DNAH12: variants seen among roughly 807,000 people sequenced by gnomAD.
The protein encoded by DNAH12 is axonemal beta dynein heavy chain 12.
DNAH12 carries 285 observed loss-of-function variants against 371.5 expected under a neutral mutation model. The ratio of observed to expected loss-of-function variants is 0.77; its 90% CI spans 0.70 to 0.85. DNAH12 has a LOEUF of 0.85. Ranked by LOEUF, DNAH12 falls within the 40% of genes least tolerant of loss-of-function variation. The pLI, the probability that DNAH12 is intolerant of heterozygous loss-of-function variation, is 0.00. For missense variants in DNAH12, 3,611 were observed against 3,689.4 expected (o/e 0.98, Z 0.55); for synonymous variants, 1,200 against 1,213.0 (o/e 0.99, Z 0.22).
chr3:57,457,653 GT>G, intron 22 of DNAH12, 67 bp downstream of exon 22: 1 of 1,434,348 alleles, frequency 7.0e-7, no homozygotes, highest in Non-Finnish European at 9.2e-7. Context: ...TAATTTACTG[GT>G]TTCCAAAACC....
At position 57,471,456 on chromosome 3, in the gene DNAH12, C is replaced by T; in HGVS notation, c.1911+16G>A. ...TATGGGCTGGCCATAGCTATTGTCT[C>T]ATATATTTATCAGACCTGTTGCATG... On this transcript the variant is annotated intron_variant, in intron 15 of 73. Transcript: ENST00000495027. 3 of 1,530,790 alleles carry T rather than the reference C, an allele frequency of 2.0e-6. No homozygotes were observed. Among genetic ancestry groups the T allele is most frequent in the Non-Finnish European group, 2.6e-6 (3 of 1,142,002 alleles). The allele number at this position is 1,530,790 out of a possible 1,614,324, so 94.8% of individuals were successfully genotyped here. A position where few individuals can be genotyped will look rare whatever the true frequency, so the allele number is the denominator to read the frequency against.
At chr3:57,411,185 A>G (rs1553682891) in intron 39 of DNAH12, among the ~76,000 whole-genome samples, 1 of 152,180 alleles carries the variant, frequency 6.6e-6, no homozygotes, top group African/African-American at 2.4e-5. Context: ...GTAAAATTCA[A>G]TCACCTTTTT....
In DNAH12 at chr3:57,330,464, C is replaced by CA. The variant is rs1379220896; in HGVS notation, c.9978+4000dup. Among the ~76,000 whole-genome samples the CA allele has an allele frequency of 2.7e-5, 4 of 149,760 alleles. No homozygotes were observed. The East Asian group carries it at 5.9e-4, about 22-fold the overall frequency. On this transcript the variant is annotated intron_variant, in intron 62 of 73. Coordinates refer to ENST00000495027, the MANE Select transcript of DNAH12 (RefSeq NM_001366028.2). ...CATTCTCAGCAAACAATTGCAAGGA[C>CA]AAAAAACCAAACACTGCATATTCTC...
At chr3:57,541,895 T>C (rs2069301119) in intron 2 of DNAH12, among the ~76,000 whole-genome samples, 1 of 152,220 alleles carries the variant, frequency 6.6e-6, no homozygotes, top group African/African-American at 2.4e-5. Flanking sequence ...AAAAAGGTTT[T>C]TAAATAAGGC....
At chr3:57,384,484 G>A (rs1424953094) in intron 49 of DNAH12, among the ~76,000 whole-genome samples, 1 of 151,738 alleles carries the variant, frequency 6.6e-6, no homozygotes, top group African/African-American at 2.4e-5. Flanking sequence ...AAAAAAAAAT[G>A]TTTAAAAAGA....
chr3:57,345,765 C>T (rs1430271462), intron 60 of DNAH12, among the ~76,000 whole-genome samples: 1 of 152,112 alleles, frequency 6.6e-6, no homozygotes, highest in Non-Finnish European at 1.5e-5. Flanking sequence ...TAAATTTCAA[C>T]TTTTTGTAAC....
intron 4 of DNAH12, among the ~76,000 whole-genome samples, chr3:57,520,511 C>T (rs959694772): frequency 1.1e-4 from 17 of 150,466 alleles, no homozygotes; most frequent in Non-Finnish European, 2.1e-4. Flanking sequence ...GGCACCATCT[C>T]GGCTCACTGC....
Position 57,323,273 on chromosome 3 carries a change from C to T in DNAH12, c.10130-13G>A, listed in dbSNP as rs1559552909. On this transcript the variant is annotated splice_polypyrimidine_tract_variant and intron_variant, in intron 63 of 73. Transcript: ENST00000495027. ...AATTTCAGCAGGCCTATAAGAGGCA[C>T]AAAAAAATGGTCACACTACTTACTC... The T allele has an allele frequency of 1.3e-6, 2 of 1,536,624 alleles. No homozygotes were observed. Among genetic ancestry groups the T allele is most frequent in the East Asian group, 2.5e-5 (1 of 40,814 alleles).
At chr3:57,529,112 T>C (rs910460850) in intron 2 of DNAH12, among the ~76,000 whole-genome samples, 1 of 152,206 alleles carries the variant, frequency 6.6e-6, no homozygotes, top group African/African-American at 2.4e-5. Context: ...TGAATGACCT[T>C]TTTAATGTGT....
chr3:57,348,185 A>G (rs1272711339), intron 60 of DNAH12, among the ~76,000 whole-genome samples: 1 of 152,210 alleles, frequency 6.6e-6, no homozygotes, highest in Non-Finnish European at 1.5e-5. Context: ...CAGCACTAAA[A>G]AGAAATAAGC....
chr3:57,424,980 AATTT>A, intron 35 of DNAH12, 38 bp downstream of exon 35: 1 of 683,042 alleles, frequency 1.5e-6, no homozygotes, highest in Non-Finnish European at 2.6e-6. Flanking sequence ...CCAGAAGCAT[AATTT>A]ATTTATAATT....
At chr3:57,420,164 C>T (rs1443611032) in intron 36 of DNAH12, among the ~76,000 whole-genome samples, 3 of 152,152 alleles carry the variant, frequency 2.0e-5, no homozygotes, top group African/African-American at 7.2e-5. Flanking sequence ...TGTCCTGACA[C>T]CCCTGAGTGC....
At chr3:57,412,244 TGGACATAC>T (rs2064230943) in intron 39 of DNAH12, among the ~76,000 whole-genome samples, 1 of 152,144 alleles carries the variant, frequency 6.6e-6, no homozygotes, top group Non-Finnish European at 1.5e-5. Context: ...GTTAAACAAC[TGGACATAC>T]ACGTGTAAAA....
chr3:57,533,297 G>T (rs1251711456), intron 2 of DNAH12, among the ~76,000 whole-genome samples: 2 of 152,086 alleles, frequency 1.3e-5, no homozygotes. Flanking sequence ...CTAGAATCAG[G>T]GACCCCAAGA....
In DNAH12 at chr3:57,353,920, T is replaced by C. The variant is rs1475579437; in HGVS notation, c.9534-1695A>G. On this transcript the variant is annotated intron_variant, in intron 59 of 73. Coordinates refer to ENST00000495027, the MANE Select transcript of DNAH12 (RefSeq NM_001366028.2). ...TGGAGCAAAGGGAACACTTATACAC[T>C]GCTGGTGGGAATGTAAATTAGTTCA... 2.6e-5 allele frequency among the ~76,000 whole-genome samples: 4 copies of C among 152,234 alleles called. No homozygotes were observed. The East Asian group carries it at 5.8e-4, about 22-fold the overall frequency.
In DNAH12 at chr3:57,377,142, T is replaced by TC. The variant is rs2063296859; in HGVS notation, c.8303dup (p.Ala2769SerfsTer19). On this transcript the variant is annotated frameshift_variant, in exon 53 of 74. Transcript: ENST00000495027. LOFTEE classifies it high-confidence loss of function. ...GATGTTCTACTTCTGCCAGTTCTGC[T>TC]CTCTTCTGATTCAAAAGCTCCATTG... 1.3e-5 allele frequency: 2 copies of TC among 152,164 alleles called. No homozygotes were observed. The highest frequency in any genetic ancestry group is 1.3e-4 in the Admixed American group (2 of 15,258). 9.4% of individuals were successfully genotyped at this position (152,164 alleles called of 1,614,324 possible).
At chr3:57,358,217 A>C (rs2153326024) in intron 58 of DNAH12, among the ~76,000 whole-genome samples, 1 of 152,206 alleles carries the variant, frequency 6.6e-6, no homozygotes, top group East Asian at 1.9e-4. Flanking sequence ...TTAAAACTTT[A>C]AAAGCCTCGG....
At chr3:57,427,137 A>AGTGTGTGTGTGTGTGTGTGT (rs1559646432) in intron 34 of DNAH12, among the ~76,000 whole-genome samples, 6 of 70,520 alleles carry the variant, frequency 8.5e-5, no homozygotes, top group African/African-American at 1.9e-4. Context: ...GTAAGAAGCG[A>AGTGTGTGTGTGTGTGTGTGT]ATGTGTGTGT....
At chr3:57,346,809 A>G (rs2062554142) in intron 60 of DNAH12, among the ~76,000 whole-genome samples, 1 of 152,150 alleles carries the variant, frequency 6.6e-6, no homozygotes, top group Non-Finnish European at 1.5e-5. Flanking sequence ...TAGGGTAGCT[A>G]TATTAATTTC....
Sources: gnomAD v4.1 joint callset for allele counts (sites outside exome capture counted in the v4.1 genomes callset) on GRCh38, gnomAD v4.1.1 for gene constraint, MANE v1.5 for transcripts, NCBI Gene and HGNC (gene_info 2026-07-23, HGNC 2026-07-21) for gene names.